The following GLG1 variants were observed in gnomAD, a reference collection of about 807,000 sequenced individuals.
GLG1 encodes the protein Golgi apparatus protein 1.
In GLG1, 38 loss-of-function variants were observed where a neutral mutation model predicts 160.5. The observed-to-expected ratio is 0.24, with a 90% CI of 0.18 to 0.31. GLG1 has a LOEUF of 0.31. GLG1 is among the 10% of genes least tolerant of loss of function. The probability of loss-of-function intolerance (pLI) is 1.00; values close to 1 mark genes in which losing one functional copy is unlikely to be tolerated. For missense variants in GLG1, 1,373 were observed against 1,505.2 expected (o/e 0.91, Z 1.45); for synonymous variants, 644 against 543.4 (o/e 1.19, Z -2.57).
At position 74,494,813 on chromosome 16, in the gene GLG1, T is replaced by C; in HGVS notation, c.997A>G (p.Arg333Gly). Residue 333 changes from arginine (R) to glycine (G), a missense_variant, in exon 6 of 26, where the codon AGA becomes GGA. Arg to Gly is a moderately radical substitution (Grantham distance 125). Coordinates refer to ENST00000422840, the MANE Select transcript of GLG1 (RefSeq NM_001145667.2). The part of the protein sequence containing the change: ...FCENTQAGEG[R>G]VYKCLFNHKF... The stretch of plus-strand genomic sequence containing the variant: ...TGGTTAAAGAGGCACTTATACACTC[T>C]GCCCTCACCAGCTTGTGTCTATAAG... 6.7e-7 allele frequency: 1 copy of C among 1,494,800 alleles called. No individual in the cohort carries two copies. Among genetic ancestry groups the C allele is most frequent in the Non-Finnish European group, 9.3e-7 (1 of 1,071,500 alleles). 92.6% of individuals were successfully genotyped at this position (1,494,800 alleles called of 1,614,324 possible).
chr16:74,583,522 G>A (rs535768736), intron 1 of GLG1, among the ~76,000 whole-genome samples: 5 of 152,184 alleles, frequency 3.3e-5, no homozygotes, highest in African/African-American at 1.2e-4. Flanking sequence ...TGGGATTACA[G>A]GCGCACGCCA....
chr16:74,600,731 CAAAA>C (rs56122377), intron 1 of GLG1, among the ~76,000 whole-genome samples: 33 of 112,598 alleles, frequency 2.9e-4, no homozygotes, highest in Non-Finnish European at 4.5e-4. Context: ...GATTCCACCT[CAAAA>C]AAAAAAAAAA....
intron 1 of GLG1, among the ~76,000 whole-genome samples, chr16:74,582,257 C>T (rs1957954802): frequency 6.6e-6 from 1 of 152,084 alleles, no homozygotes; most frequent in Admixed American, 6.5e-5. Flanking sequence ...ACCTCTGCCT[C>T]CCAGGTTCAA....
chr16:74,494,736 C>A (rs1651736726), intron 6 of GLG1, 24 bp downstream of exon 6: 2 of 1,032,346 alleles, frequency 1.9e-6, no homozygotes, highest in South Asian at 2.5e-5. Context: ...ATAAAACATT[C>A]ATTAGTTTCA....
At chr16:74,510,769 G>A (rs184137703) in intron 2 of GLG1, among the ~76,000 whole-genome samples, 1 of 152,264 alleles carries the variant, frequency 6.6e-6, no homozygotes, top group East Asian at 1.9e-4. Context: ...TAAGGAGAAG[G>A]ACAAAGACTG....
chr16:74,452,704 A>T lies in GLG1; in HGVS notation c.*463T>A. On this transcript the variant is annotated 3_prime_UTR_variant, in exon 26 of 26. Transcript: ENST00000422840. ...CACTGGGTGGTGTGCTTCCCCTCCA[A>T]GTCCTGTCTTTGTTTTACACAGTCA... is the stretch of plus-strand genomic sequence containing the variant. 1 of 992,376 alleles carries T rather than the reference A, an allele frequency of 1.0e-6. No individual in the cohort carries two copies. The highest frequency in any genetic ancestry group is 1.2e-6 in the Non-Finnish European group (1 of 834,018). The allele number at this position is 992,376 out of a possible 1,614,324, so 61.5% of individuals were successfully genotyped here.
intron 2 of GLG1, among the ~76,000 whole-genome samples, chr16:74,522,316 T>C (rs2017191297): frequency 6.6e-6 from 1 of 152,256 alleles, no homozygotes; most frequent in African/African-American, 2.4e-5. Context: ...TCATTTGCTA[T>C]GCTTTAGCTA....
Position 74,459,672 on chromosome 16 carries a change from C to A in GLG1, c.3144+10G>T. ...AAATGAAGTGAGGAAAAGAAGGTGACGGTGGTTACCTTTTTACACAATTCT... is the reference window on the plus strand; with the variant it reads ...AAATGAAGTGAGGAAAAGAAGGTGAAGGTGGTTACCTTTTTACACAATTCT... On this transcript the variant is annotated intron_variant, in intron 23 of 25. Transcript: ENST00000422840. 1 of 1,307,498 alleles carries A rather than the reference C, an allele frequency of 7.6e-7. No individual in the cohort carries two copies. Among genetic ancestry groups the A allele is most frequent in the Non-Finnish European group, 1.1e-6 (1 of 913,378 alleles). 81.0% of individuals were successfully genotyped at this position (1,307,498 alleles called of 1,614,324 possible).
At chr16:74,497,437 T>C (rs921196960) in intron 4 of GLG1, among the ~76,000 whole-genome samples, 3 of 139,776 alleles carry the variant, frequency 2.1e-5, no homozygotes, top group African/African-American at 7.6e-5. Flanking sequence ...GTGCTTGCTT[T>C]TTTTTTTTTT....
intron 8 of GLG1, among the ~76,000 whole-genome samples, chr16:74,490,266 A>G (rs1226959860): frequency 6.6e-6 from 1 of 152,064 alleles, no homozygotes; most frequent in Admixed American, 6.5e-5. Flanking sequence ...CAGTTATTCA[A>G]CTGTTTATAA....
In GLG1 at chr16:74,449,490, T is replaced by C. The variant is rs868492197; in HGVS notation, c.*3677A>G. On this transcript the variant is annotated 3_prime_UTR_variant, in exon 26 of 26. Transcript: ENST00000422840. ...ACATGAATGAAGACACTCTCACCAT[T>C]AGATTCTTCTGTTAGTTGATCTCAG... 5.2e-4 allele frequency: 79 copies of C among 152,322 alleles called. No individual in the cohort carries two copies. The highest frequency in any genetic ancestry group is 1.7e-3 in the African/African-American group (72 of 41,576). The allele number at this position is 152,322 out of a possible 1,614,324, so 9.4% of individuals were successfully genotyped here. A position where few individuals can be genotyped will look rare whatever the true frequency, so the allele number is the denominator to read the frequency against.
chr16:74,475,157 C>A (rs1162802379), intron 12 of GLG1, among the ~76,000 whole-genome samples: 25 of 52,852 alleles, frequency 4.7e-4, no homozygotes, highest in African/African-American at 9.0e-4. Flanking sequence ...AACTCCGTCT[C>A]AAAAAAAAAA....
intron 13 of GLG1, among the ~76,000 whole-genome samples, chr16:74,473,437 C>T (rs1005232428): frequency 5.4e-4 from 60 of 110,992 alleles, no homozygotes; most frequent in Admixed American, 1.7e-3. Flanking sequence ...TGGTCTTGAC[C>T]TTTTTTTTTT....
chr16:74,581,809 G>C (rs923075779), intron 1 of GLG1, among the ~76,000 whole-genome samples: 7 of 152,118 alleles, frequency 4.6e-5, no homozygotes, highest in Non-Finnish European at 1.0e-4. Flanking sequence ...CTACTCGGGA[G>C]GCTGAGGCAG....
rs190695863 is a variant in GLG1, at chr16:74,592,364, G to A, written c.438+14293C>T. On this transcript the variant is annotated intron_variant, in intron 1 of 25. Transcript: ENST00000422840. ...CCCCCATGTTGCCCAGGCTGTTCTT[G>A]AATTCCTGACATCAGGTGATCCACC... Among the ~76,000 whole-genome samples the A allele has an allele frequency of 5.5e-3, 841 of 152,098 alleles. 6 individuals carry two copies. Among genetic ancestry groups the A allele is most frequent in the South Asian group, 0.047 (225 of 4,818 alleles).
intron 2 of GLG1, among the ~76,000 whole-genome samples, chr16:74,517,412 C>T (rs1157201413): frequency 5.3e-5 from 8 of 152,154 alleles, no homozygotes; most frequent in South Asian, 2.1e-4. Flanking sequence ...AATCAATAAA[C>T]GTAATCCATC....
chr16:74,539,829 T>C (rs2017784132), intron 1 of GLG1, among the ~76,000 whole-genome samples: 1 of 147,092 alleles, frequency 6.8e-6, no homozygotes, highest in South Asian at 2.1e-4. Context: ...TACATCTTAG[T>C]TTTAAGAAAA....
intron 22 of GLG1, among the ~76,000 whole-genome samples, chr16:74,461,321 C>G (rs1396404514): frequency 6.6e-6 from 1 of 151,472 alleles, no homozygotes; most frequent in Non-Finnish European, 1.5e-5. Flanking sequence ...GTATACGCCA[C>G]CGGGCCGGGC....
chr16:74,581,217 A>G (rs1957931162), intron 1 of GLG1, among the ~76,000 whole-genome samples: 2 of 152,236 alleles, frequency 1.3e-5, no homozygotes, highest in African/African-American at 4.8e-5. Context: ...CATTATTCAC[A>G]AAAGCCAAAA....
Sources: gnomAD v4.1 joint callset for allele counts (sites outside exome capture counted in the v4.1 genomes callset) on GRCh38, gnomAD v4.1.1 for gene constraint, MANE v1.5 for transcripts, NCBI Gene and HGNC (gene_info 2026-07-23, HGNC 2026-07-21) for gene names.